DPP6: variants seen among roughly 807,000 people sequenced by gnomAD.
The protein encoded by DPP6 is dipeptidyl peptidase like 6.
A neutral mutation model predicts 122.6 loss-of-function variants in DPP6; 69 were observed. That is an observed-to-expected ratio of 0.56 (90% CI 0.46 to 0.69). The LOEUF is 0.69. Ranked by LOEUF, DPP6 falls within the 30% of genes least tolerant of loss-of-function variation. The probability of loss-of-function intolerance (pLI) is 0.00; values close to 1 mark genes in which losing one functional copy is unlikely to be tolerated. For missense variants in DPP6, 928 were observed against 1,116.9 expected, an observed-to-expected ratio of 0.83 and a Z score of 2.41; for synonymous variants, 418 against 433.1, an observed-to-expected ratio of 0.97 and a Z score of 0.43.
chr7:154,752,822 G>A (rs1843462379), intron 8 of DPP6, among the ~76,000 whole-genome samples: 1 of 152,186 alleles, frequency 6.6e-6, no homozygotes, highest in African/African-American at 2.4e-5. Context: ...TTGGCCCAGG[G>A]GTAAATGTTG....
intron 1 of DPP6, among the ~76,000 whole-genome samples, chr7:153,965,400 G>C (rs1795648164): frequency 6.6e-6 from 1 of 152,114 alleles, no homozygotes; most frequent in Admixed American, 6.5e-5. Flanking sequence ...CATGGCCACT[G>C]AGCATGAAGC....
chr7:154,354,883 G>A (rs1205150351), intron 1 of DPP6, among the ~76,000 whole-genome samples: 1 of 152,222 alleles, frequency 6.6e-6, no homozygotes, highest in African/African-American at 2.4e-5. Context: ...TTATATTGAT[G>A]GTTGTGAGCT....
At chr7:154,852,474 G>GCTCTCCTGC (rs553132079) in intron 16 of DPP6, among the ~76,000 whole-genome samples, 21,797 of 138,846 alleles carry the variant, frequency 0.16, 1,848 homozygotes, top group South Asian at 0.22. Flanking sequence ...GGCTCTCCTG[G>GCTCTCCTGC]CTCTCCTGCC....
intron 10 of DPP6, among the ~76,000 whole-genome samples, chr7:154,788,658 C>T (rs1182388161): frequency 6.6e-6 from 1 of 152,178 alleles, no homozygotes; most frequent in African/African-American, 2.4e-5. Context: ...GGTTCTAGCA[C>T]AACATATTTA....
intron 1 of DPP6, among the ~76,000 whole-genome samples, chr7:154,226,575 A>C (rs1467533205): frequency 5.3e-5 from 8 of 152,170 alleles, no homozygotes; most frequent in Non-Finnish European, 1.0e-4. Context: ...ATTGCAATCC[A>C]TGTAGTATGG....
intron 3 of DPP6, among the ~76,000 whole-genome samples, chr7:154,484,369 G>A (rs1031722687): frequency 1.3e-5 from 2 of 152,204 alleles, no homozygotes; most frequent in Non-Finnish European, 2.9e-5. Context: ...TTACAGATCT[G>A]CCTTTTATGA....
chr7:154,463,242 C>G (rs1469985189), intron 2 of DPP6, among the ~76,000 whole-genome samples: 1 of 117,376 alleles, frequency 8.5e-6, no homozygotes, highest in Non-Finnish European at 1.7e-5. Flanking sequence ...GAGTCTCGCT[C>G]TGTCGCCCAG....
chr7:154,654,275 A>G (rs1184609958), intron 6 of DPP6, among the ~76,000 whole-genome samples: 4 of 152,152 alleles, frequency 2.6e-5, no homozygotes, highest in Middle Eastern at 3.4e-3. Context: ...TTGTGATCAT[A>G]TATGTTAAAA....
intron 6 of DPP6, among the ~76,000 whole-genome samples, chr7:154,659,368 TC>T (rs1310193047): frequency 6.6e-6 from 1 of 152,228 alleles, no homozygotes; most frequent in Non-Finnish European, 1.5e-5. Context: ...CATTGATCCT[TC>T]CTAATTAAGT....
intron 20 of DPP6, among the ~76,000 whole-genome samples, chr7:154,879,713 C>G (rs1200045610): frequency 6.6e-6 from 1 of 152,204 alleles, no homozygotes; most frequent in Non-Finnish European, 1.5e-5. Flanking sequence ...GATCACGCCA[C>G]TGCACTCCAG....
At chr7:154,685,213 C>T (rs756847171) in intron 7 of DPP6, among the ~76,000 whole-genome samples, 7 of 152,204 alleles carry the variant, frequency 4.6e-5, no homozygotes, top group African/African-American at 9.7e-5. Context: ...CCAATGTATT[C>T]GTAATTTCCC....
Position 154,151,104 on chromosome 7 carries a change from C to T in DPP6, c.243+98041C>T, listed in dbSNP as rs1252564829. ...AGCAAGCTTGTCCCTAAAGCTCAGA[C>T]GATGGCCTCCCCAGTGCTTCCCCAG... On this transcript the variant is annotated intron_variant, in intron 1 of 25. Coordinates refer to ENST00000377770, the MANE Select transcript of DPP6 (RefSeq NM_130797.4). Among the ~76,000 whole-genome samples, 7 of 152,362 alleles carry T rather than the reference C, an allele frequency of 4.6e-5. No individual in the cohort carries two copies. In the South Asian group the frequency reaches 8.3e-4, roughly 18 times the overall value.
intron 1 of DPP6, among the ~76,000 whole-genome samples, chr7:154,077,780 C>T (rs112859644): frequency 0.077 from 11,723 of 151,492 alleles, 459 homozygotes; most frequent in Middle Eastern, 0.17. Context: ...AAGCAATTCT[C>T]CTGCCTCAGC....
chr7:154,234,035 C>A (rs1052331451), intron 1 of DPP6, among the ~76,000 whole-genome samples: 1 of 152,108 alleles, frequency 6.6e-6, no homozygotes, highest in East Asian at 1.9e-4. Context: ...ATATTTCATA[C>A]CCTTACTATT....
intron 7 of DPP6, among the ~76,000 whole-genome samples, chr7:154,672,197 G>A (rs1838612181): frequency 1.3e-5 from 2 of 152,100 alleles, no homozygotes; most frequent in South Asian, 4.2e-4. Context: ...CTGTGAAGAG[G>A]TGCCTTCTGC....
At position 154,892,565 on chromosome 7, in the gene DPP6, AGGGGC is replaced by A. The variant is rs946332170; in HGVS notation, c.*101_*105del. The A allele has an allele frequency of 4.9e-4, 335 of 681,896 alleles. No individual in the cohort carries two copies. The highest frequency in any genetic ancestry group is 1.1e-3 in the South Asian group (75 of 69,592). The allele number at this position is 681,896 out of a possible 1,614,324, so 42.2% of individuals were successfully genotyped here. On this transcript the variant is annotated 3_prime_UTR_variant, in exon 26 of 26. Transcript: ENST00000377770. ...TTCCCTGCCCTCCCTCTTCCCTCGG[AGGGGC>A]GGGGCGGGGCGGGGCCGGGTGTTCC...
At chr7:154,323,510 A>G (rs1808156548) in intron 1 of DPP6, among the ~76,000 whole-genome samples, 1 of 152,066 alleles carries the variant, frequency 6.6e-6, no homozygotes, top group Admixed American at 6.5e-5. Context: ...GTACATGTCT[A>G]TTTTCATCGT....
intron 2 of DPP6, among the ~76,000 whole-genome samples, chr7:154,451,375 A>G (rs911028051): frequency 1.3e-5 from 2 of 151,710 alleles, no homozygotes; most frequent in African/African-American, 2.4e-5. Flanking sequence ...AAAAAAAAAA[A>G]AAAAAGTGGA....
intron 1 of DPP6, among the ~76,000 whole-genome samples, chr7:154,215,289 C>T (rs1799939958): frequency 6.6e-6 from 1 of 152,096 alleles, no homozygotes; most frequent in African/African-American, 2.4e-5. Flanking sequence ...ATGAGAACAG[C>T]ATATGGGAAA....
Sources: allele counts gnomAD v4.1 joint callset (sites outside exome capture counted in the v4.1 genomes callset), GRCh38; gene constraint gnomAD v4.1.1; transcripts MANE v1.5; gene names NCBI Gene and HGNC (gene_info 2026-07-23, HGNC 2026-07-21).